The following PPP1R12B variants were observed in gnomAD, a reference collection of about 807,000 sequenced individuals.
PPP1R12B encodes protein phosphatase 1 regulatory subunit 12B.
In PPP1R12B, 76 loss-of-function variants were observed where a neutral mutation model predicts 126.1. The observed-to-expected ratio is 0.60, with a 90% CI of 0.50 to 0.73. The LOEUF is 0.73. Among genes scored for constraint, PPP1R12B ranks in the 30% least tolerant of loss-of-function variants. The pLI is 0.00. For missense variants in PPP1R12B, 1,052 were observed against 1,205.1 expected, an observed-to-expected ratio of 0.87 and a Z score of 1.88; for synonymous variants, 356 against 434.7, an observed-to-expected ratio of 0.82 and a Z score of 2.25.
At chr1:202,560,866 G>A (rs1687447350) in intron 19 of PPP1R12B, among the ~76,000 whole-genome samples, 2 of 152,232 alleles carry the variant, frequency 1.3e-5, no homozygotes, top group African/African-American at 4.8e-5. Context: ...GAGACAGAAA[G>A]TGAAGTGGGA....
intron 18 of PPP1R12B, among the ~76,000 whole-genome samples, chr1:202,557,879 G>A (rs570774214): frequency 6.6e-6 from 1 of 152,292 alleles, no homozygotes; most frequent in Non-Finnish European, 1.5e-5. Context: ...CTGGACAGCT[G>A]TAGGGTGTGG....
chr1:202,484,988 C>T (rs1042613488), intron 13 of PPP1R12B, among the ~76,000 whole-genome samples: 3 of 152,174 alleles, frequency 2.0e-5, no homozygotes, highest in African/African-American at 7.2e-5. Context: ...TGTGTGGCCA[C>T]AGCAGGGCTG....
Position 202,400,676 on chromosome 1 carries a change from CAGTTA to C in PPP1R12B, c.292-16106_292-16102del, listed in dbSNP as rs1665686477. Among the ~76,000 whole-genome samples the C allele has an allele frequency of 2.0e-5, 3 of 152,280 alleles. No individual in the cohort carries two copies. In the South Asian group the frequency reaches 6.2e-4, roughly 32 times the overall value. ...AATAGCTAACAGCAATATGCATGAG[CAGTTA>C]AGTTGTGCCAGACACTGTTCCAACT... On this transcript the variant is annotated intron_variant, in intron 1 of 23. Coordinates refer to ENST00000608999, the MANE Select transcript of PPP1R12B (RefSeq NM_002481.4).
At chr1:202,365,613 A>G (rs553809863) in intron 1 of PPP1R12B, among the ~76,000 whole-genome samples, 2 of 152,296 alleles carry the variant, frequency 1.3e-5, no homozygotes, top group South Asian at 4.1e-4. Flanking sequence ...ATCACACGTC[A>G]TGCTGGTATT....
chr1:202,368,253 G>A (rs1341797514), intron 1 of PPP1R12B, among the ~76,000 whole-genome samples: 1 of 152,114 alleles, frequency 6.6e-6, no homozygotes, highest in Non-Finnish European at 1.5e-5. Flanking sequence ...TTACAGGTGT[G>A]AGCCACTGCG....
intron 13 of PPP1R12B, among the ~76,000 whole-genome samples, chr1:202,468,990 G>A (rs575765119): frequency 2.6e-5 from 4 of 152,210 alleles, no homozygotes; most frequent in African/African-American, 9.6e-5. Context: ...AACAAAATGA[G>A]CACATGAACC....
chr1:202,491,827 G>A (rs1468885722), intron 14 of PPP1R12B, among the ~76,000 whole-genome samples: 2 of 152,160 alleles, frequency 1.3e-5, no homozygotes. Context: ...ATTCTCAGTA[G>A]TCTTCATGAG....
At chr1:202,436,147 T>C (rs1387116287) in intron 9 of PPP1R12B, among the ~76,000 whole-genome samples, 77 of 152,006 alleles carry the variant, frequency 5.1e-4, no homozygotes, top group African/African-American at 1.7e-3. Context: ...GTAGTCCCAG[T>C]GACTTGGGAC....
At chr1:202,573,551 T>C (rs1446085171) in intron 23 of PPP1R12B, among the ~76,000 whole-genome samples, 1 of 152,180 alleles carries the variant, frequency 6.6e-6, no homozygotes, top group East Asian at 1.9e-4. Flanking sequence ...CACAGGATTG[T>C]CCATCCTCAT....
rs761681797 is a variant in PPP1R12B at position 202,437,875 on chromosome 1, T to G, written c.1309T>G (p.Ser437Ala). The change falls in exon 10 of 24, where the codon TCA (serine) becomes GCA (alanine). Residue 437 changes from serine to alanine, a missense_variant. Ser to Ala is a moderately conservative substitution (Grantham distance 99). Transcript: ENST00000608999. ...PEEPKDESPS[S>A]WRLGLRKTGS... is the part of the protein sequence containing the mutation. ...AGAGCCCAAAGATGAATCTCCTTCT[T>G]CATGGAGATTGGGACTGAGAAAAAC... The G allele has an allele frequency of 1.9e-6, 3 of 1,613,692 alleles. No individual in the cohort carries two copies. The South Asian group carries it at 3.3e-5, about 18-fold the overall frequency.
chr1:202,440,610 G>T (rs113314857), intron 10 of PPP1R12B, 96 bp from the exon 11 acceptor site: 196 of 819,952 alleles, frequency 2.4e-4, no homozygotes, highest in African/African-American at 2.4e-3. Flanking sequence ...GAAATAAGAT[G>T]ATATAGGTAT....
In PPP1R12B at chr1:202,425,731, G is replaced by T; in HGVS notation, c.701+6G>T. 6.2e-7 allele frequency: 1 copy of T among 1,611,018 alleles called. No individual in the cohort carries two copies. The highest frequency in any genetic ancestry group is 1.1e-5 in the South Asian group (1 of 90,780). On this transcript the variant is annotated splice_donor_region_variant and intron_variant, in intron 4 of 23. Coordinates refer to ENST00000608999, the MANE Select transcript of PPP1R12B (RefSeq NM_002481.4). ...GGCTACTCTGAAGTCCTCAGGTATTGTCCATTTACATCAATCAGGAGTGGT... is the reference window on the plus strand; with the variant it reads ...GGCTACTCTGAAGTCCTCAGGTATTTTCCATTTACATCAATCAGGAGTGGT...
chr1:202,468,266 T>C (rs1301068835), intron 13 of PPP1R12B, among the ~76,000 whole-genome samples: 1 of 152,204 alleles, frequency 6.6e-6, no homozygotes, highest in Non-Finnish European at 1.5e-5. Flanking sequence ...TTGTTGCCAT[T>C]GCTTTTGGTG....
chr1:202,364,698 TC>T (rs1277540613), intron 1 of PPP1R12B, among the ~76,000 whole-genome samples: 1 of 152,120 alleles, frequency 6.6e-6, no homozygotes, highest in Non-Finnish European at 1.5e-5. Context: ...TGTTTCAGCC[TC>T]CCGAGTAGCT....
At chr1:202,465,146 A>G (rs565361018) in intron 13 of PPP1R12B, among the ~76,000 whole-genome samples, 1 of 152,332 alleles carries the variant, frequency 6.6e-6, no homozygotes, top group Admixed American at 6.5e-5. Context: ...TTCACGTAAG[A>G]GAATGCATTG....
intron 6 of PPP1R12B, 106 bp from the exon 7 acceptor site, chr1:202,430,625 G>A: frequency 4.2e-6 from 5 of 1,180,138 alleles, no homozygotes; most frequent in Admixed American, 2.2e-5. Flanking sequence ...CTTTGGTGTT[G>A]GTCCTATTTT....
At chr1:202,535,530 CAG>C (rs2148949956) in intron 18 of PPP1R12B, among the ~76,000 whole-genome samples, 1 of 152,262 alleles carries the variant, frequency 6.6e-6, no homozygotes, top group South Asian at 2.1e-4. Context: ...CTAACATATG[CAG>C]TTCCTCTATT....
At chr1:202,455,194 A>T (rs932251803) in intron 13 of PPP1R12B, among the ~76,000 whole-genome samples, 6 of 121,172 alleles carry the variant, frequency 5.0e-5, no homozygotes, top group African/African-American at 1.5e-4. Context: ...AGCTATATAC[A>T]TATATATATA....
At chr1:202,372,835 A>G (rs114853517) in intron 1 of PPP1R12B, among the ~76,000 whole-genome samples, 2,129 of 152,266 alleles carry the variant, frequency 0.014, 62 homozygotes, top group African/African-American at 0.049. Flanking sequence ...TTTAAAAAGT[A>G]GTAGTAGTAT....
Sources: gnomAD v4.1 joint callset for allele counts (sites outside exome capture counted in the v4.1 genomes callset) on GRCh38, gnomAD v4.1.1 for gene constraint, MANE v1.5 for transcripts, NCBI Gene and HGNC (gene_info 2026-07-23, HGNC 2026-07-21) for gene names.